LRP1B: variants seen among roughly 807,000 people sequenced by gnomAD.
LRP1B encodes the protein LDL receptor related protein 1B.
In LRP1B, 217 loss-of-function variants were observed where a neutral mutation model predicts 556.6. The ratio of observed to expected loss-of-function variants is 0.39; its 90% CI spans 0.35 to 0.44. The LOEUF (loss-of-function observed/expected upper bound fraction) is 0.44, where lower values mean the gene tolerates loss of function less well. LRP1B is among the 20% of genes least tolerant of loss of function. The pLI is 1.00. For missense variants in LRP1B, 5,053 were observed against 5,620.8 expected (o/e 0.90, Z 3.23); for synonymous variants, 2,047 against 1,865.8 (o/e 1.10, Z -2.50).
At chr2:141,171,657 T>C (rs1383900814) in intron 7 of LRP1B, among the ~76,000 whole-genome samples, 2 of 152,090 alleles carry the variant, frequency 1.3e-5, no homozygotes, top group African/African-American at 2.4e-5. Context: ...CGACTCATCG[T>C]GGCTGTGGTG....
chr2:141,105,811 A>AT (rs1263642688), intron 7 of LRP1B, among the ~76,000 whole-genome samples: 1 of 152,102 alleles, frequency 6.6e-6, no homozygotes, highest in Admixed American at 6.6e-5. Flanking sequence ...TTCAAAATGT[A>AT]TTTTTTTGGT....
Position 141,015,973 on chromosome 2 carries a change from T to C in LRP1B, c.1971-58A>G, listed in dbSNP as rs2105390111. 4 of 1,271,504 alleles carry C rather than the reference T, an allele frequency of 3.1e-6. No homozygotes were observed. The South Asian group carries it at 4.8e-5, about 15-fold the overall frequency. 78.8% of individuals were successfully genotyped at this position (1,271,504 alleles called of 1,614,324 possible). On this transcript the variant is annotated intron_variant, in intron 12 of 90. Coordinates refer to ENST00000389484, the MANE Select transcript of LRP1B (RefSeq NM_018557.3). Reference sequence around the variant, plus strand: ...CATGTTATTACAACCAGCCACAGTATAGACACTTCCTCAGATTTGGCAGTT... The same window carrying C: ...CATGTTATTACAACCAGCCACAGTACAGACACTTCCTCAGATTTGGCAGTT...
chr2:141,669,977 A>G (rs1052519538), intron 2 of LRP1B, among the ~76,000 whole-genome samples: 3 of 151,806 alleles, frequency 2.0e-5, no homozygotes, highest in African/African-American at 4.8e-5. Context: ...CTGGTCTCGA[A>G]CTCCTGACCT....
intron 41 of LRP1B, among the ~76,000 whole-genome samples, chr2:140,609,497 T>A (rs1682992237): frequency 1.3e-5 from 2 of 152,258 alleles, no homozygotes; most frequent in Admixed American, 1.3e-4. Flanking sequence ...TAATATATCT[T>A]TGGGTATCTC....
chr2:141,093,540 CTGTT>C (rs947664146), intron 7 of LRP1B, among the ~76,000 whole-genome samples: 27 of 152,080 alleles, frequency 1.8e-4, no homozygotes, highest in African/African-American at 5.3e-4. Context: ...GTTTTGCTTG[CTGTT>C]TGTTTGTGTG....
chr2:141,362,375 G>A (rs1688856252), intron 3 of LRP1B, among the ~76,000 whole-genome samples: 1 of 152,200 alleles, frequency 6.6e-6, no homozygotes, highest in Non-Finnish European at 1.5e-5. Context: ...AGGTGCATGG[G>A]GCAATAGGAG....
intron 3 of LRP1B, among the ~76,000 whole-genome samples, chr2:141,326,175 A>G (rs1303832825): frequency 6.6e-6 from 1 of 152,190 alleles, no homozygotes; most frequent in Non-Finnish European, 1.5e-5. Context: ...TTGGGAGTAC[A>G]AACCAAGTAA....
chr2:140,350,678 T>C (rs192757645), intron 77 of LRP1B, 119 bp downstream of exon 77: 164 of 821,590 alleles, frequency 2.0e-4, no homozygotes, highest in Admixed American at 3.8e-4. Flanking sequence ...AAGGAGAATA[T>C]TGGGAGAATA....
intron 41 of LRP1B, among the ~76,000 whole-genome samples, chr2:140,635,978 T>C (rs1684058732): frequency 6.6e-6 from 1 of 152,104 alleles, no homozygotes; most frequent in Non-Finnish European, 1.5e-5. Flanking sequence ...TAGCCATTTC[T>C]TTGAGGTCTG....
At chr2:141,716,302 C>G (rs953368013) in intron 2 of LRP1B, among the ~76,000 whole-genome samples, 1 of 152,218 alleles carries the variant, frequency 6.6e-6, no homozygotes, top group African/African-American at 2.4e-5. Flanking sequence ...TTGTAGTGCT[C>G]AAGTCCTGTA....
At chr2:141,231,959 A>C (rs1256301726) in intron 5 of LRP1B, among the ~76,000 whole-genome samples, 1 of 152,210 alleles carries the variant, frequency 6.6e-6, no homozygotes, top group Non-Finnish European at 1.5e-5. Context: ...ATAAACCCAC[A>C]ACAAAAATAT....
chr2:141,117,221 A>G (rs1341942093), intron 7 of LRP1B, among the ~76,000 whole-genome samples: 1 of 136,648 alleles, frequency 7.3e-6, no homozygotes, highest in African/African-American at 2.7e-5. Flanking sequence ...TAAGAATTAC[A>G]TGTTTGGCTA....
At chr2:140,664,862 T>C (rs16844424) in intron 41 of LRP1B, among the ~76,000 whole-genome samples, 15,836 of 152,088 alleles carry the variant, frequency 0.1, 970 homozygotes, top group East Asian at 0.25. Flanking sequence ...AATTCTGATA[T>C]CTGGAATGCC....
At chr2:141,314,238 C>T (rs764652435) in intron 3 of LRP1B, among the ~76,000 whole-genome samples, 10 of 152,134 alleles carry the variant, frequency 6.6e-5, no homozygotes, top group Non-Finnish European at 1.0e-4. Context: ...TCAGGTAAGA[C>T]TTTCCCTAAG....
At chr2:141,448,208 T>C (rs4334440) in intron 3 of LRP1B, among the ~76,000 whole-genome samples, 28,377 of 152,108 alleles carry the variant, frequency 0.19, 3,547 homozygotes, top group East Asian at 0.45. Flanking sequence ...GGACTTTGTT[T>C]ACACTGTGAG....
chr2:141,034,027 T>C (rs1698456351), intron 11 of LRP1B, among the ~76,000 whole-genome samples: 1 of 152,166 alleles, frequency 6.6e-6, no homozygotes, highest in African/African-American at 2.4e-5. Context: ...ACTGGACTCA[T>C]TATTTTAAGT....
chr2:140,301,580 G>T (rs946021432), intron 83 of LRP1B, among the ~76,000 whole-genome samples: 1 of 151,976 alleles, frequency 6.6e-6, no homozygotes, highest in East Asian at 1.9e-4. Flanking sequence ...TTCACTGAAG[G>T]TACAGCTTTT....
intron 32 of LRP1B, among the ~76,000 whole-genome samples, chr2:140,794,566 G>A (rs1391373369): frequency 6.7e-6 from 1 of 150,244 alleles, no homozygotes; most frequent in Non-Finnish European, 1.5e-5. Context: ...ATAGAATATG[G>A]TTAAATAACA....
At chr2:140,854,992 T>C (rs1261508820) in intron 27 of LRP1B, among the ~76,000 whole-genome samples, 1 of 152,158 alleles carries the variant, frequency 6.6e-6, no homozygotes, top group Non-Finnish European at 1.5e-5. Flanking sequence ...CTGGGCAGAC[T>C]GGGTTCACTG....
Sources: gnomAD v4.1 joint callset for allele counts (sites outside exome capture counted in the v4.1 genomes callset) on GRCh38, gnomAD v4.1.1 for gene constraint, MANE v1.5 for transcripts, NCBI Gene and HGNC (gene_info 2026-07-23, HGNC 2026-07-21) for gene names.